ZNF280C: variants seen among roughly 807,000 people sequenced by gnomAD.
The protein encoded by ZNF280C is suppressor of hairy wing homolog 3.
ZNF280C carries 14 observed loss-of-function variants against 53.6 expected under a neutral mutation model. The ratio of observed to expected loss-of-function variants is 0.26; its 90% CI spans 0.17 to 0.41. The LOEUF is 0.41. ZNF280C is among the 10% of genes least tolerant of loss of function. The pLI, the probability that ZNF280C is intolerant of heterozygous loss-of-function variation, is 1.00. For missense variants in ZNF280C, 416 were observed against 547.1 expected (o/e 0.76, Z 2.39); for synonymous variants, 203 against 181.1 (o/e 1.12, Z -0.97).
At position 130,243,624 on chromosome X, in the gene ZNF280C, C is replaced by A. The variant is rs200922173; in HGVS notation, c.320G>T (p.Arg107Ile). The change falls in exon 5 of 19, where the codon AGA becomes ATA. Residue 107 changes from arginine (R) to isoleucine (I), a missense_variant. Physicochemically the swap from Arg to Ile is moderately conservative, Grantham distance 97. Transcript: ENST00000370978. ...TGAAGATTTAGATACAAGATGAAATCTAGGCGAGGCAGCCACTGGATTTGA... is the reference window on the plus strand; with the variant it reads ...TGAAGATTTAGATACAAGATGAAATATAGGCGAGGCAGCCACTGGATTTGA... ...PPSNPVAASP[R>I]FHLVSKSSQS... The A allele has an allele frequency of 8.3e-7, 1 of 1,209,460 alleles. No homozygotes were observed. The highest frequency in any genetic ancestry group is 2.2e-5 in the Admixed American group (1 of 45,748).
At position 130,208,857 on chromosome X, in the gene ZNF280C, G is replaced by A. The variant is rs1224208069; in HGVS notation, c.2042+796C>T. Among the ~76,000 whole-genome samples, 8 of 109,690 alleles carry A rather than the reference G, an allele frequency of 7.3e-5. No homozygotes were observed. The East Asian group carries it at 8.5e-4, about 12-fold the overall frequency. ...ATTACAGGTGCCTGCCACCATGCCC[G>A]GCTAATTTTGGTATTTTTAGTAGAG... On this transcript the variant is annotated intron_variant, in intron 16 of 18. Transcript: ENST00000370978.
chrX:130,230,431 C>A lies in ZNF280C; in HGVS notation c.989+79G>T, dbSNP rs1236590894. 5 of 607,195 alleles carry A rather than the reference C, an allele frequency of 8.2e-6. No homozygotes were observed. In the African/African-American group the frequency reaches 9.2e-5, roughly 11 times the overall value. The allele number at this position is 607,195 out of a possible 1,213,427, so 50.0% of individuals were successfully genotyped here. ...TATTAGAATTAATTACCGAGGATGG[C>A]AGAGCAATGTAAAGATACTATATTC... On this transcript the variant is annotated intron_variant, in intron 9 of 18. Transcript: ENST00000370978.
At chrX:130,210,484 G>C (rs2032029078) in intron 15 of ZNF280C, among the ~76,000 whole-genome samples, 1 of 112,082 alleles carries the variant, frequency 8.9e-6, no homozygotes, top group African/African-American at 3.2e-5. Flanking sequence ...CTGTCACCCA[G>C]GCTGGAAAAT....
intron 2 of ZNF280C, among the ~76,000 whole-genome samples, chrX:130,248,547 G>C (rs1295456749): frequency 9.0e-6 from 1 of 111,503 alleles, no homozygotes; most frequent in Non-Finnish European, 1.9e-5. Context: ...GGCTCTGCTT[G>C]TTTCCATAGG....
At chrX:130,262,781 AACTG>A (rs1337809023) in intron 1 of ZNF280C, among the ~76,000 whole-genome samples, 14 of 112,109 alleles carry the variant, frequency 1.2e-4, no homozygotes, top group African/African-American at 4.2e-4. Flanking sequence ...AATTCTGAGT[AACTG>A]ACTGAGGAAA....
intron 8 of ZNF280C, among the ~76,000 whole-genome samples, chrX:130,234,450 A>G (rs2032310648): frequency 8.9e-6 from 1 of 112,467 alleles, no homozygotes; most frequent in Admixed American, 9.4e-5. Flanking sequence ...AAACACACTC[A>G]GGGAGGTGAA....
chrX:130,209,271 T>C (rs1288852457), intron 16 of ZNF280C, among the ~76,000 whole-genome samples: 1 of 112,277 alleles, frequency 8.9e-6, no homozygotes, highest in African/African-American at 3.2e-5. Flanking sequence ...TAACCAATGG[T>C]AATTATCAAT....
Position 130,243,481 on chromosome X carries a change from G to A in ZNF280C, c.381+82C>T, listed in dbSNP as rs146241719. ...ATTACAGGCGTGAGCCACTGTGCCC[G>A]GCTGACAGATCACAATTTTAACTCA... On this transcript the variant is annotated intron_variant, in intron 5 of 18. Transcript: ENST00000370978. 7.2e-4 allele frequency: 766 copies of A among 1,059,389 alleles called. 3 individuals are homozygous for A. In the African/African-American group the frequency reaches 0.012, roughly 17 times the overall value. 87.3% of individuals were successfully genotyped at this position (1,059,389 alleles called of 1,213,427 possible). A position where few individuals can be genotyped will look rare whatever the true frequency, so the allele number is the denominator to read the frequency against.
At chrX:130,243,501 A>G in intron 5 of ZNF280C, 62 bp downstream of exon 5, 1 of 1,117,378 alleles carries the variant, frequency 8.9e-7, no homozygotes, top group Non-Finnish European at 1.2e-6. Flanking sequence ...TCACAATTTT[A>G]ACTCAGTATT....
At chrX:130,222,188 C>T (rs1215727247) in intron 12 of ZNF280C, among the ~76,000 whole-genome samples, 2 of 108,461 alleles carry the variant, frequency 1.8e-5, no homozygotes, top group African/African-American at 6.8e-5. Context: ...AGAAACCACT[C>T]CTTCACCTGA....
intron 1 of ZNF280C, among the ~76,000 whole-genome samples, chrX:130,261,098 G>T (rs1403298272): frequency 8.9e-6 from 1 of 112,026 alleles, no homozygotes; most frequent in South Asian, 3.7e-4. Flanking sequence ...TAAAGTAACT[G>T]TTCATTGCCT....
chrX:130,266,255 T>C lies in ZNF280C; in HGVS notation c.-17+2507A>G, dbSNP rs1454392515. On this transcript the variant is annotated intron_variant, in intron 1 of 18. Coordinates refer to ENST00000370978, the MANE Select transcript of ZNF280C (RefSeq NM_017666.5). Reference sequence around the variant, plus strand: ...GATTCTCTTATTCTCTGGGGAAAAATGCTGTATGATCTCACATGTGGAATC... The same window carrying C: ...GATTCTCTTATTCTCTGGGGAAAAACGCTGTATGATCTCACATGTGGAATC... Among the ~76,000 whole-genome samples the C allele has an allele frequency of 3.6e-5, 4 of 111,894 alleles. No homozygotes were observed. In the East Asian group the frequency reaches 8.3e-4, roughly 23 times the overall value.
At chrX:130,237,908 C>A (rs936051692) in intron 6 of ZNF280C, among the ~76,000 whole-genome samples, 1 of 111,176 alleles carries the variant, frequency 9.0e-6, no homozygotes, top group Non-Finnish European at 1.9e-5. Flanking sequence ...GATTATATAA[C>A]CAGCTGGATA....
chrX:130,232,806 TATG>T (rs1487516533), intron 8 of ZNF280C, among the ~76,000 whole-genome samples: 4 of 112,023 alleles, frequency 3.6e-5, no homozygotes, highest in African/African-American at 1.3e-4. Flanking sequence ...AGAACTACCA[TATG>T]ATCCAGTAAT....
At position 130,202,817 on chromosome X, in the gene ZNF280C, CA is replaced by C. The variant is rs1467724343; in HGVS notation, c.*2159del. On this transcript the variant is annotated 3_prime_UTR_variant, in exon 19 of 19. Coordinates refer to ENST00000370978, the MANE Select transcript of ZNF280C (RefSeq NM_017666.5). ...TCAGCAAATCTGTATTCAATGTAAC[CA>C]AAATAAACAAACAAGAAATTAAAAA... 1 of 109,669 alleles carries C rather than the reference CA, an allele frequency of 9.1e-6. No individual in the cohort carries two copies. Among genetic ancestry groups the C allele is most frequent in the Non-Finnish European group, 1.9e-5 (1 of 52,573 alleles). 9.0% of individuals were successfully genotyped at this position (109,669 alleles called of 1,213,427 possible). A position where few individuals can be genotyped will look rare whatever the true frequency, so the allele number is the denominator to read the frequency against.
At chrX:130,208,480 T>C (rs1003030090) in intron 16 of ZNF280C, among the ~76,000 whole-genome samples, 2 of 111,132 alleles carry the variant, frequency 1.8e-5, no homozygotes, top group Non-Finnish European at 3.8e-5. Flanking sequence ...TCCACTCAAG[T>C]TGAAAAAAAA....
chrX:130,258,724 T>C (rs1402718106), intron 2 of ZNF280C, among the ~76,000 whole-genome samples: 1 of 112,412 alleles, frequency 8.9e-6, no homozygotes, highest in African/African-American at 3.2e-5. Context: ...ATTGTGTCCT[T>C]TGAAGTCCTC....
At position 130,206,839 on chromosome X, in the gene ZNF280C, G is replaced by A. The variant is rs538391439; in HGVS notation, c.2043-1424C>T. Among the ~76,000 whole-genome samples, 32 of 111,917 alleles carry A rather than the reference G, an allele frequency of 2.9e-4. No individual in the cohort carries two copies. In the South Asian group the frequency reaches 0.012, roughly 40 times the overall value. The stretch of plus-strand genomic sequence containing the variant: ...GAGGCTCAAATTTGTAGTTATCTCT[G>A]ACTTTCTTCTTACGTAAAACATTCA... On this transcript the variant is annotated intron_variant, in intron 16 of 18. Coordinates refer to ENST00000370978, the MANE Select transcript of ZNF280C (RefSeq NM_017666.5).
intron 6 of ZNF280C, among the ~76,000 whole-genome samples, chrX:130,238,750 A>G (rs1220141385): frequency 8.9e-6 from 1 of 111,925 alleles, no homozygotes; most frequent in Non-Finnish European, 1.9e-5. Flanking sequence ...ACCAAGTAAT[A>G]TAAAAATGGG....
Sources: allele counts gnomAD v4.1 joint callset (sites outside exome capture counted in the v4.1 genomes callset), GRCh38; gene constraint gnomAD v4.1.1; transcripts MANE v1.5; gene names NCBI Gene and HGNC (gene_info 2026-07-23, HGNC 2026-07-21).